GPD2: variants seen among roughly 807,000 people sequenced by gnomAD.
GPD2 encodes the protein glycerol-3-phosphate dehydrogenase, mitochondrial.
GPD2 carries 54 observed loss-of-function variants against 82.4 expected under a neutral mutation model. That is an observed-to-expected ratio of 0.66 (90% CI 0.53 to 0.82). The LOEUF (loss-of-function observed/expected upper bound fraction) is 0.82. Among genes scored for constraint, GPD2 ranks in the 40% least tolerant of loss-of-function variants. GPD2 has a pLI of 0.00. For missense variants in GPD2, 748 were observed against 896.2 expected (o/e 0.83, Z 2.11); for synonymous variants, 288 against 306.1 (o/e 0.94, Z 0.62).
rs1417140507 is a variant in GPD2, at chr2:156,570,235, A to G, written c.1608+17A>G. 8 of 1,608,314 alleles carry G rather than the reference A, an allele frequency of 5.0e-6. No individual in the cohort carries two copies. Among genetic ancestry groups the G allele is most frequent in the Non-Finnish European group, 6.8e-6 (8 of 1,175,084 alleles). On this transcript the variant is annotated intron_variant, in intron 12 of 16. Transcript: ENST00000438166. ...GAAGCAGAGGTATGTGAATGGTCAC[A>G]TAGGAATTTCATGTCTGCCATGGGA...
intron 6 of GPD2, among the ~76,000 whole-genome samples, chr2:156,524,328 T>A (rs776967891): frequency 1.7e-4 from 26 of 152,114 alleles, no homozygotes; most frequent in Non-Finnish European, 3.8e-4. Flanking sequence ...CTTAAAACAA[T>A]GATTGGTTAT....
intron 10 of GPD2, 150 bp from the exon 11 acceptor site, chr2:156,569,213 G>A (rs993768222): frequency 1.4e-5 from 10 of 691,638 alleles, no homozygotes; most frequent in African/African-American, 1.3e-4. Flanking sequence ...TATTGAACAA[G>A]CATTTTTTTT....
chr2:156,468,889 A>G (rs1272814627), intron 1 of GPD2, among the ~76,000 whole-genome samples: 1 of 152,114 alleles, frequency 6.6e-6, no homozygotes, highest in Non-Finnish European at 1.5e-5. Flanking sequence ...TGTTGACTGC[A>G]GTCACCCTGT....
the GPD2 span, among the ~76,000 whole-genome samples, chr2:156,419,009 T>C: frequency 6.6e-6 from 1 of 151,098 alleles, no homozygotes; most frequent in Non-Finnish European, 1.5e-5. Flanking sequence ...CAGTTCAGCA[T>C]GTCAACTTGC....
intron 6 of GPD2, 104 bp from the exon 7 acceptor site, chr2:156,549,504 G>A: frequency 1.0e-6 from 1 of 995,858 alleles, no homozygotes; most frequent in South Asian, 1.3e-5. Context: ...CATATCCTGG[G>A]TGACAGGGAC....
upstream of GPD2, chr2:156,435,813 G>A (rs1044743563): frequency 1.3e-5 from 2 of 152,470 alleles, no homozygotes; most frequent in African/African-American, 4.8e-5. Context: ...AGGTAAGCCA[G>A]CCCCGCCAGC....
At chr2:156,511,471 CCTAT>C (rs1684995215) in intron 4 of GPD2, among the ~76,000 whole-genome samples, 1 of 152,166 alleles carries the variant, frequency 6.6e-6, no homozygotes, top group East Asian at 1.9e-4. Flanking sequence ...AGCTGAACTT[CCTAT>C]CTCTTTTTGT....
chr2:156,437,958 A>T (rs2105132281), intron 1 of GPD2, among the ~76,000 whole-genome samples: 1 of 152,310 alleles, frequency 6.6e-6, no homozygotes, highest in South Asian at 2.1e-4. Flanking sequence ...CTCTGAACTT[A>T]TCCTGTTTGG....
At chr2:156,478,674 C>CA (rs929478662) in intron 2 of GPD2, among the ~76,000 whole-genome samples, 5 of 150,692 alleles carry the variant, frequency 3.3e-5, no homozygotes, top group East Asian at 1.9e-4. Flanking sequence ...CTTCAATAGT[C>CA]AAAAAAAAAT....
intron 6 of GPD2, among the ~76,000 whole-genome samples, chr2:156,517,644 C>G (rs950269777): frequency 6.6e-6 from 1 of 152,192 alleles, no homozygotes; most frequent in Non-Finnish European, 1.5e-5. Context: ...ACCAGGCCAA[C>G]TTTCTCAAGT....
rs1436009137 is a variant in GPD2, at chr2:156,586,287, G to A, written c.*3369G>A. 6.6e-6 allele frequency: 1 copy of A among 152,288 alleles called. No individual in the cohort carries two copies. Among genetic ancestry groups the A allele is most frequent in the African/African-American group, 2.4e-5 (1 of 41,408 alleles). The allele number at this position is 152,288 out of a possible 1,614,324, so 9.4% of individuals were successfully genotyped here. On this transcript the variant is annotated 3_prime_UTR_variant, in exon 17 of 17. Transcript: ENST00000438166. ...AAGTGAAATATCTACAGAGATAGAT[G>A]TAATTTTATAAGACTGCCAGAATTA...
intron 2 of GPD2, among the ~76,000 whole-genome samples, chr2:156,488,596 C>A (rs761030293): frequency 3.3e-5 from 5 of 151,830 alleles, no homozygotes; most frequent in African/African-American, 1.2e-4. Flanking sequence ...TGGTCTCACC[C>A]GAAGTTGTAA....
chr2:156,546,952 C>T (rs1686564462), intron 6 of GPD2, among the ~76,000 whole-genome samples: 1 of 151,972 alleles, frequency 6.6e-6, no homozygotes, highest in Admixed American at 6.6e-5. Context: ...TTAGGCTAAA[C>T]TTAACAGTAA....
chr2:156,459,686 C>CAAAAAAAAAA (rs564494059), intron 1 of GPD2, among the ~76,000 whole-genome samples: 834 of 38,706 alleles, frequency 0.022, 167 homozygotes, highest in African/African-American at 0.057. Flanking sequence ...GACTCCGTCT[C>CAAAAAAAAAA]AAAAAAAAAA....
chr2:156,531,190 T>A (rs574517646), intron 6 of GPD2, among the ~76,000 whole-genome samples: 1 of 152,286 alleles, frequency 6.6e-6, no homozygotes, highest in South Asian at 2.1e-4. Context: ...CCCCATCCCA[T>A]CCCAAATATG....
At chr2:156,495,783 G>A (rs886787556) in intron 2 of GPD2, 3 of 465,300 alleles carry the variant, frequency 6.4e-6, no homozygotes, top group Non-Finnish European at 1.2e-5. Context: ...GAACTTGGCT[G>A]TATATGAAGC....
intron 1 of GPD2, among the ~76,000 whole-genome samples, chr2:156,456,076 C>G (rs1682778360): frequency 6.6e-6 from 1 of 152,188 alleles, no homozygotes; most frequent in Non-Finnish European, 1.5e-5. Context: ...TTTCCTTCTA[C>G]TGAGTGACTT....
rs1167751983 is a variant in GPD2, at chr2:156,465,366, T to TTC, written c.-8-10731_-8-10730insCT. Reference sequence around the variant, plus strand: ...TTTTCTTTCTTTCTTTCTTTCTTTTTTTTTTTTTTTTTTGAGACAGGATCT... The same window carrying TTC: ...TTTTCTTTCTTTCTTTCTTTCTTTTTTCTTTTTTTTTTTTTGAGACAGGATCT... On this transcript the variant is annotated intron_variant, in intron 1 of 16. Transcript: ENST00000438166. Among the ~76,000 whole-genome samples, 486 of 123,054 alleles carry TTC rather than the reference T, an allele frequency of 3.9e-3. 1 individual carries two copies. The highest frequency in any genetic ancestry group is 6.4e-3 in the East Asian group (25 of 3,920). 80.7% of individuals were successfully genotyped at this position (123,054 alleles called of 152,430 possible). A position where few individuals can be genotyped will look rare whatever the true frequency, so the allele number is the denominator to read the frequency against.
intron 6 of GPD2, 53 bp from the exon 7 acceptor site, chr2:156,549,555 G>T (rs1686672463): frequency 3.3e-6 from 5 of 1,504,280 alleles, no homozygotes; most frequent in Non-Finnish European, 4.6e-6. Context: ...TGTACCACCA[G>T]TCTGTGGCTC....
Sources: allele counts gnomAD v4.1 joint callset (sites outside exome capture counted in the v4.1 genomes callset), GRCh38; gene constraint gnomAD v4.1.1; transcripts MANE v1.5; gene names NCBI Gene and HGNC (gene_info 2026-07-23, HGNC 2026-07-21).